The following KCNS1 variants were observed in gnomAD, a reference collection of about 807,000 sequenced individuals.
The protein encoded by KCNS1 is potassium voltage-gated channel modifier subfamily S member 1, also known as delayed-rectifier potassium channel regulatory subunit KCNS1.
A neutral mutation model predicts 33.1 loss-of-function variants in KCNS1; 26 were observed. The observed-to-expected ratio is 0.79, with a 90% confidence interval of 0.58 to 1.09. The LOEUF is 1.09. KCNS1 is among the 50% of genes least tolerant of loss of function. The pLI is 0.00. For synonymous variants in KCNS1, 299 were observed against 338.8 expected, an observed-to-expected ratio of 0.88 and a Z score of 1.29; for missense variants, 702 against 752.4, an observed-to-expected ratio of 0.93 and a Z score of 0.78.
chr20:45,097,699 T>A lies in KCNS1; in HGVS notation c.1073A>T (p.His358Leu). 2.5e-6 allele frequency: 4 copies of A among 1,609,860 alleles called. No homozygotes were observed. The highest frequency in any genetic ancestry group is 3.4e-6 in the Non-Finnish European group (4 of 1,179,856). ...RIFRVLKLAR[H>L]STGLRSLGAT... Reference sequence around the variant, plus strand: ...TCCCAGCGAGCGCAGCCCGGTGGAATGGCGCGCCAACTTGAGTACGCGGAA... The same window carrying A: ...TCCCAGCGAGCGCAGCCCGGTGGAAAGGCGCGCCAACTTGAGTACGCGGAA... The change falls in exon 3 of 4, where the codon CAT becomes CTT. Residue 358 changes from histidine to leucine, a missense_variant. Transcript: ENST00000537075.
rs1981020755 is a variant in KCNS1, at chr20:45,092,251, C to T, written c.*2619G>A. 6.6e-6 allele frequency: 1 copy of T among 152,124 alleles called. No homozygotes were observed. The highest frequency in any genetic ancestry group is 6.6e-5 in the Admixed American group (1 of 15,262). 9.4% of individuals were successfully genotyped at this position (152,124 alleles called of 1,614,324 possible). A position where few individuals can be genotyped will look rare whatever the true frequency, so the allele number is the denominator to read the frequency against. ...AGTCATTCCACATATTGCCCACCCT[C>T]TCCAATCACTCAGACAGCATGTCAG... On this transcript the variant is annotated 3_prime_UTR_variant, in exon 4 of 4. Transcript: ENST00000537075.
Position 45,098,194 on chromosome 20 carries a change from C to T in KCNS1, c.578G>A (p.Arg193His), listed in dbSNP as rs764306069. ...EISDVQRELARYGAARCGRLR... is the reference protein window; with the variant it reads ...EISDVQRELAHYGAARCGRLR... ...GCGGCCACAGCGCGCCGCGCCATAG[C>T]GCGCCAGTTCTCGCTGCACGTCGGA... The change falls in exon 3 of 4, where the codon CGC (arginine) becomes CAC (histidine). Residue 193 changes from arginine to histidine, a missense_variant. Arg to His is a conservative substitution (Grantham distance 29). Around this residue, in one of 3 missense-constraint regions of KCNS1, gnomAD observed 374 missense variants for 352.3 expected, o/e 1.06. Coordinates refer to ENST00000537075, the MANE Select transcript of KCNS1 (RefSeq NM_001322799.2). This position sits in a 1 kb window ranked among gnomAD's most constrained non-coding sequence, Gnocchi z 5.2. 2 of 1,604,518 alleles carry T rather than the reference C, an allele frequency of 1.2e-6. No homozygotes were observed. Among genetic ancestry groups the T allele is most frequent in the Non-Finnish European group, 8.5e-7 (1 of 1,176,402 alleles).
At chr20:45,099,417 C>A (rs1981325067) in intron 1 of KCNS1, among the ~76,000 whole-genome samples, 178 bp from the exon 2 acceptor site, 1 of 152,188 alleles carries the variant, frequency 6.6e-6, no homozygotes, top group Non-Finnish European at 1.5e-5. Flanking sequence ...GTCAGCCAGA[C>A]CTGACCTTGA....
In KCNS1 at chr20:45,091,344, C is replaced by A. The variant is rs1540310; in HGVS notation, c.*3526G>T. 6.6e-6 allele frequency among the ~76,000 whole-genome samples: 1 copy of A among 151,980 alleles called. No homozygotes were observed. The highest frequency in any genetic ancestry group is 1.9e-4 in the East Asian group (1 of 5,186). On this transcript the variant is annotated 3_prime_UTR_variant, in exon 4 of 4. Coordinates refer to ENST00000537075, the MANE Select transcript of KCNS1 (RefSeq NM_001322799.2). ...TATGACTCAAGTGAAATCAGACTCTCTCCTGGGATTGGAACTGTGAGCAGG... is the reference window on the plus strand; with the variant it reads ...TATGACTCAAGTGAAATCAGACTCTATCCTGGGATTGGAACTGTGAGCAGG...
At chr20:45,100,037 G>A (rs1981343683) in intron 1 of KCNS1, 1 of 152,258 alleles carries the variant, frequency 6.6e-6, no homozygotes, top group Non-Finnish European at 1.5e-5. Context: ...CTAGAATGGG[G>A]ATAATGTTGC....
chr20:45,098,446 C>T lies in KCNS1; in HGVS notation c.326G>A (p.Gly109Asp). Residue 109 changes from glycine (G) to aspartate (D), a missense_variant, in exon 3 of 4, where the codon GGC becomes GAC. By Grantham distance (94) the Gly-to-Asp change is moderately conservative. Coordinates refer to ENST00000537075, the MANE Select transcript of KCNS1 (RefSeq NM_001322799.2). This position sits in a 1 kb window ranked among gnomAD's most constrained non-coding sequence, Gnocchi z 5.2. Reference sequence around the variant, plus strand: ...GAAGTGCAGCAGGCTCAGGAAGAAGCCCGGGTGCCGGTCGAAGTAGAATTC... The same window carrying T: ...GAAGTGCAGCAGGCTCAGGAAGAAGTCCGGGTGCCGGTCGAAGTAGAATTC... ...AREFYFDRHP[G>D]FFLSLLHFYR... 6.3e-7 allele frequency: 1 copy of T among 1,590,554 alleles called. No individual in the cohort carries two copies. The highest frequency in any genetic ancestry group is 8.6e-7 in the Non-Finnish European group (1 of 1,169,316).
At position 45,098,648 on chromosome 20, in the gene KCNS1, C is replaced by T. The variant is rs1050587783; in HGVS notation, c.124G>A (p.Gly42Arg). 4 of 1,474,076 alleles carry T rather than the reference C, an allele frequency of 2.7e-6. No homozygotes were observed. The East Asian group carries it at 8.2e-5, about 30-fold the overall frequency. 91.3% of individuals were successfully genotyped at this position (1,474,076 alleles called of 1,614,324 possible). Reference sequence around the variant, plus strand: ...TCGTCGCTTCGCCGCCAGCGGATCCCGGTGTCGGGGCCCGGGAACTCGCTC... The same window carrying T: ...TCGTCGCTTCGCCGCCAGCGGATCCTGGTGTCGGGGCCCGGGAACTCGCTC... The part of the protein sequence containing the change: ...FVSEFPGPDT[G>R]IRWRRSDEAL... Residue 42 changes from glycine (G) to arginine (R), a missense_variant, in exon 3 of 4, where the codon GGG becomes AGG. Transcript: ENST00000537075. The surrounding 1 kb of genome is among the most constrained non-coding windows in gnomAD (Gnocchi z 5.2).
At position 45,097,711 on chromosome 20, in the gene KCNS1, T is replaced by A; in HGVS notation, c.1061A>T (p.Lys354Met). 2 of 1,611,250 alleles carry A rather than the reference T, an allele frequency of 1.2e-6. No individual in the cohort carries two copies. The highest frequency in any genetic ancestry group is 2.2e-5 in the South Asian group (2 of 91,034). ...CAGCCCGGTGGAATGGCGCGCCAAC[T>A]TGAGTACGCGGAAGATGCGCATGAG... ...FRLMRIFRVL[K>M]LARHSTGLRS... The change falls in exon 3 of 4, where the codon AAG becomes ATG. Residue 354 changes from lysine to methionine, a missense_variant. Physicochemically the swap from Lys to Met is moderately conservative, Grantham distance 95. Coordinates refer to ENST00000537075, the MANE Select transcript of KCNS1 (RefSeq NM_001322799.2).
At position 45,094,607 on chromosome 20, in the gene KCNS1, T is replaced by G; in HGVS notation, c.*263A>C. On this transcript the variant is annotated 3_prime_UTR_variant, in exon 4 of 4. Coordinates refer to ENST00000537075, the MANE Select transcript of KCNS1 (RefSeq NM_001322799.2). ...GGTGCTCAGGAATCATTAGTATCCT[T>G]TCAACTTCCTCCCTCTGGCTCATGC... 1 of 442,970 alleles carries G rather than the reference T, an allele frequency of 2.3e-6. No individual in the cohort carries two copies. The highest frequency in any genetic ancestry group is 4.1e-6 in the Non-Finnish European group (1 of 246,056). The allele number at this position is 442,970 out of a possible 1,614,324, so 27.4% of individuals were successfully genotyped here. A position where few individuals can be genotyped will look rare whatever the true frequency, so the allele number is the denominator to read the frequency against.
chr20:45,092,213 A>C lies in KCNS1; in HGVS notation c.*2657T>G, dbSNP rs1981019838. On this transcript the variant is annotated 3_prime_UTR_variant, in exon 4 of 4. Coordinates refer to ENST00000537075, the MANE Select transcript of KCNS1 (RefSeq NM_001322799.2). ...GCCAAATCCAGGACTGGAGCCTGAG[A>C]ATGTGGATTCCAAGTCATTCCACAT... 1 of 152,116 alleles carries C rather than the reference A, an allele frequency of 6.6e-6. No homozygotes were observed. The highest frequency in any genetic ancestry group is 2.4e-5 in the African/African-American group (1 of 41,426). 9.4% of individuals were successfully genotyped at this position (152,116 alleles called of 1,614,324 possible).
At position 45,098,620 on chromosome 20, in the gene KCNS1, G is replaced by T; in HGVS notation, c.152C>A (p.Ala51Glu). The change falls in exon 3 of 4, where the codon GCG becomes GAG. Residue 51 changes from alanine to glutamate, a missense_variant. By Grantham distance (107) the Ala-to-Glu change is moderately radical (BLOSUM62 -1). This residue lies in a region of KCNS1 where 374 missense variants were observed against 352.3 expected (regional missense o/e 1.06). Coordinates refer to ENST00000537075, the MANE Select transcript of KCNS1 (RefSeq NM_001322799.2). The surrounding 1 kb of genome is among the most constrained non-coding windows in gnomAD (Gnocchi z 5.2). ...CACGCCACCCACGTTCACGCGCAGC[G>T]CCTCGTCGCTTCGCCGCCAGCGGAT... ...TGIRWRRSDE[A>E]LRVNVGGVRR... The T allele has an allele frequency of 6.8e-7, 1 of 1,468,824 alleles. No homozygotes were observed. Among genetic ancestry groups the T allele is most frequent in the Admixed American group, 2.5e-5 (1 of 40,374 alleles). The allele number at this position is 1,468,824 out of a possible 1,614,324, so 91.0% of individuals were successfully genotyped here.
At position 45,098,017 on chromosome 20, in the gene KCNS1, G is replaced by A. The variant is rs1453226544; in HGVS notation, c.755C>T (p.Ala252Val). ...LPEYQAREAA[A>V]AVAAVAAGRS... Reference sequence around the variant, plus strand: ...GCCCGCGGCCACCGCAGCCACGGCGGCCGCCGCCTCGCGGGCCTGGTACTC... The same window carrying A: ...GCCCGCGGCCACCGCAGCCACGGCGACCGCCGCCTCGCGGGCCTGGTACTC... Residue 252 changes from alanine to valine, a missense_variant, in exon 3 of 4, where the codon GCC (alanine) becomes GTC (valine). Physicochemically the swap from Ala to Val is moderately conservative, Grantham distance 64. Around this residue, in one of 3 missense-constraint regions of KCNS1, gnomAD observed 253 missense variants for 327.4 expected, o/e 0.77. Coordinates refer to ENST00000537075, the MANE Select transcript of KCNS1 (RefSeq NM_001322799.2). This position sits in a 1 kb window ranked among gnomAD's most constrained non-coding sequence, Gnocchi z 5.2. 8.6e-6 allele frequency: 13 copies of A among 1,507,090 alleles called. No individual in the cohort carries two copies. Among genetic ancestry groups the A allele is most frequent in the East Asian group, 2.6e-5 (1 of 39,178 alleles). The allele number at this position is 1,507,090 out of a possible 1,614,324, so 93.4% of individuals were successfully genotyped here. A position where few individuals can be genotyped will look rare whatever the true frequency, so the allele number is the denominator to read the frequency against.
Position 45,098,646 on chromosome 20 carries a change from C to T in KCNS1, c.126G>A (p.Gly42=), listed in dbSNP as rs1981297382. 4 of 1,473,576 alleles carry T rather than the reference C, an allele frequency of 2.7e-6. No individual in the cohort carries two copies. The highest frequency in any genetic ancestry group is 1.4e-5 in the South Asian group (1 of 71,288). The allele number at this position is 1,473,576 out of a possible 1,614,324, so 91.3% of individuals were successfully genotyped here. A position where few individuals can be genotyped will look rare whatever the true frequency, so the allele number is the denominator to read the frequency against. ...FVSEFPGPDT[G]IRWRRSDEAL... is the part of the protein sequence containing the mutation. ...CCTCGTCGCTTCGCCGCCAGCGGAT[C>T]CCGGTGTCGGGGCCCGGGAACTCGC... The change falls in exon 3 of 4, where the codon GGG becomes GGA. Residue 42 remains glycine, a synonymous_variant. Transcript: ENST00000537075. The surrounding 1 kb of genome is among the most constrained non-coding windows in gnomAD (Gnocchi z 5.2).
intron 1 of KCNS1, among the ~76,000 whole-genome samples, chr20:45,099,643 G>A (rs1221102446): frequency 6.6e-6 from 1 of 152,108 alleles, no homozygotes; most frequent in Non-Finnish European, 1.5e-5. Context: ...CACCCCTGAC[G>A]CACCTGGGGC....
chr20:45,094,719 G>A lies in KCNS1; in HGVS notation c.*151C>T, dbSNP rs1400101404. 9.8e-6 allele frequency: 7 copies of A among 715,740 alleles called. No homozygotes were observed. Among genetic ancestry groups the A allele is most frequent in the Non-Finnish European group, 1.7e-5 (7 of 417,762 alleles). The allele number at this position is 715,740 out of a possible 1,614,324, so 44.3% of individuals were successfully genotyped here. ...ACAGAATCTAGGGTAGCACTGTCCTGTCCTGGGCCTTTGGAGGAAGGAATG... is the reference window on the plus strand; with the variant it reads ...ACAGAATCTAGGGTAGCACTGTCCTATCCTGGGCCTTTGGAGGAAGGAATG... On this transcript the variant is annotated 3_prime_UTR_variant, in exon 4 of 4. Coordinates refer to ENST00000537075, the MANE Select transcript of KCNS1 (RefSeq NM_001322799.2).
In KCNS1 at chr20:45,095,142, C is replaced by T; in HGVS notation, c.1309G>A (p.Ala437Thr). The change falls in exon 4 of 4, where the codon GCA (alanine) becomes ACA (threonine). Residue 437 changes from alanine to threonine, a missense_variant. Coordinates refer to ENST00000537075, the MANE Select transcript of KCNS1 (RefSeq NM_001322799.2). ...CCCCCTAGGATGCAGCCTGAGGCTG[C>T]CAGCTTGCCAGCCACCGTCACTGGC... ...VVPVTVAGKLAASGCILGGIL... is the reference protein window; with the variant it reads ...VVPVTVAGKLTASGCILGGIL... The T allele has an allele frequency of 6.2e-7, 1 of 1,614,058 alleles. No individual in the cohort carries two copies. Among genetic ancestry groups the T allele is most frequent in the Non-Finnish European group, 8.5e-7 (1 of 1,180,004 alleles).
Position 45,098,806 on chromosome 20 carries a change from G to T in KCNS1, c.77-111C>A. 9.6e-7 allele frequency: 1 copy of T among 1,038,784 alleles called. No homozygotes were observed. The highest frequency in any genetic ancestry group is 1.3e-6 in the Non-Finnish European group (1 of 779,244). 64.3% of individuals were successfully genotyped at this position (1,038,784 alleles called of 1,614,324 possible). On this transcript the variant is annotated intron_variant, in intron 2 of 3. Coordinates refer to ENST00000537075, the MANE Select transcript of KCNS1 (RefSeq NM_001322799.2). This position sits in a 1 kb window ranked among gnomAD's most constrained non-coding sequence, Gnocchi z 5.2. ...AGCCAAGGGGTGTTGGAGGCTGTGT[G>T]TGAAGCATCTGGTATGCAGGAGGCG...
chr20:45,096,138 A>G (rs1171469253), intron 3 of KCNS1, among the ~76,000 whole-genome samples: 1 of 152,206 alleles, frequency 6.6e-6, no homozygotes, highest in African/African-American at 2.4e-5. Context: ...GGAATCATGC[A>G]GGGGTCTTGG....
chr20:45,099,321 T>G (rs1981322381), intron 1 of KCNS1, 82 bp from the exon 2 acceptor site: 2 of 758,270 alleles, frequency 2.6e-6, no homozygotes, highest in Middle Eastern at 4.5e-4. Flanking sequence ...GTCTAGCACT[T>G]TGTGTTCTAA....
Sources: gnomAD v4.1 joint callset for allele counts (sites outside exome capture counted in the v4.1 genomes callset) on GRCh38, gnomAD v4.1.1 for gene constraint, gnomAD v4.1.1 regional missense constraint, Gnocchi (gnomAD v3.1) non-coding constraint, MANE v1.5 for transcripts, NCBI Gene and HGNC (gene_info 2026-07-23, HGNC 2026-07-21) for gene names.